Variants in RALYL observed in about 807,000 individuals in gnomAD.
RALYL encodes the protein RALY RNA binding protein like, also known as RNA-binding Raly-like protein.
Under a neutral mutation model 35.1 loss-of-function variants are expected in RALYL, and 29 were observed. The observed-to-expected ratio is 0.83, with a 90% CI of 0.61 to 1.13. The LOEUF is 1.13. RALYL is among the 50% of genes most tolerant of loss of function. RALYL has a pLI of 0.00. For missense variants in RALYL, 359 were observed against 360.4 expected (o/e 1.00, Z 0.03); for synonymous variants, 120 against 127.6 (o/e 0.94, Z 0.40).
In RALYL at chr8:84,744,636, C is replaced by G. The variant is rs975046823; in HGVS notation, c.257-29943C>G. Among the ~76,000 whole-genome samples the G allele has an allele frequency of 2.1e-4, 32 of 151,910 alleles. 1 individual carries two copies. The highest frequency in any genetic ancestry group is 2.0e-3 in the Admixed American group (31 of 15,206). ...TTTGTGGACCACATCTTGAAAATTG[C>G]CTATCTAAACTACTCACAAAAAGAC... On this transcript the variant is annotated intron_variant, in intron 2 of 8. Transcript: ENST00000521268.
At chr8:84,468,787 G>T (rs1395666423) in intron 1 of RALYL, among the ~76,000 whole-genome samples, 1 of 152,042 alleles carries the variant, frequency 6.6e-6, no homozygotes, top group Non-Finnish European at 1.5e-5. Flanking sequence ...ACACCAATCA[G>T]ACGTAGATTT....
At chr8:84,853,191 C>T (rs113915102) in intron 5 of RALYL, among the ~76,000 whole-genome samples, 7,162 of 152,232 alleles carry the variant, frequency 0.047, 541 homozygotes, top group African/African-American at 0.16. Flanking sequence ...CCTCATTCTT[C>T]CTAGCCCTCA....
intron 1 of RALYL, among the ~76,000 whole-genome samples, chr8:84,446,245 T>C (rs1286752165): frequency 1.3e-5 from 2 of 152,040 alleles, no homozygotes; most frequent in Admixed American, 6.6e-5. Context: ...AGCATACATA[T>C]TGAACTACCC....
chr8:84,317,203 A>G (rs974766292), intron 1 of RALYL, among the ~76,000 whole-genome samples: 1 of 150,370 alleles, frequency 6.7e-6, no homozygotes, highest in East Asian at 2.0e-4. Context: ...GAGATACAGC[A>G]AAGAGATTGA....
chr8:84,571,544 A>G (rs1443631582), intron 2 of RALYL, among the ~76,000 whole-genome samples: 1 of 151,580 alleles, frequency 6.6e-6, no homozygotes, highest in African/African-American at 2.4e-5. Flanking sequence ...AATTTTGTTT[A>G]TCCTTTCAAA....
intron 1 of RALYL, among the ~76,000 whole-genome samples, chr8:84,299,132 G>A (rs1840308545): frequency 6.6e-6 from 1 of 151,778 alleles, no homozygotes; most frequent in Admixed American, 6.6e-5. Flanking sequence ...GTATTGTTGT[G>A]ATTCTTAAGA....
intron 8 of RALYL, among the ~76,000 whole-genome samples, chr8:84,898,710 C>G (rs1280395208): frequency 6.6e-6 from 1 of 152,168 alleles, no homozygotes; most frequent in Admixed American, 6.5e-5. Flanking sequence ...ATTAAACAGA[C>G]AGAGGTTGCC....
chr8:84,705,087 T>G (rs1471826648), intron 2 of RALYL, among the ~76,000 whole-genome samples: 1 of 152,204 alleles, frequency 6.6e-6, no homozygotes, highest in Non-Finnish European at 1.5e-5. Flanking sequence ...AAGGTGTCTT[T>G]GAAACCATGT....
At chr8:84,836,641 C>T (rs1437805377) in intron 4 of RALYL, among the ~76,000 whole-genome samples, 1 of 151,968 alleles carries the variant, frequency 6.6e-6, no homozygotes, top group African/African-American at 2.4e-5. Flanking sequence ...TTTTTGTTCA[C>T]AATATTAGAT....
intron 2 of RALYL, among the ~76,000 whole-genome samples, chr8:84,583,394 A>G (rs1476244745): frequency 6.6e-6 from 1 of 152,180 alleles, no homozygotes; most frequent in Admixed American, 6.5e-5. Flanking sequence ...TAACATGTTC[A>G]GGCACAATGC....
chr8:84,450,498 T>C (rs1306975722), intron 1 of RALYL, among the ~76,000 whole-genome samples: 1 of 151,926 alleles, frequency 6.6e-6, no homozygotes, highest in African/African-American at 2.4e-5. Context: ...CTTTGAATGA[T>C]TCAGTTATGC....
intron 2 of RALYL, among the ~76,000 whole-genome samples, chr8:84,671,386 C>A (rs1833200859): frequency 6.6e-6 from 1 of 152,154 alleles, no homozygotes; most frequent in Non-Finnish European, 1.5e-5. Flanking sequence ...TCTTGCAGCT[C>A]CACTAGGCAG....
chr8:84,213,421 T>C (rs890174698), intron 1 of RALYL, among the ~76,000 whole-genome samples: 2 of 152,054 alleles, frequency 1.3e-5, no homozygotes, highest in East Asian at 3.9e-4. Context: ...ATGAATAAAT[T>C]TTTAAAAAGC....
At chr8:84,468,118 T>C (rs1422595156) in intron 1 of RALYL, among the ~76,000 whole-genome samples, 1 of 151,914 alleles carries the variant, frequency 6.6e-6, no homozygotes, top group Non-Finnish European at 1.5e-5. Flanking sequence ...CTGTGTCTTT[T>C]AATTGGAGAA....
intron 1 of RALYL, among the ~76,000 whole-genome samples, chr8:84,409,501 G>C (rs1443707817): frequency 2.0e-5 from 3 of 151,984 alleles, no homozygotes; most frequent in African/African-American, 2.4e-5. Flanking sequence ...TCCAATAATA[G>C]AATTTCAGAG....
chr8:84,828,360 C>T (rs1019850553), intron 4 of RALYL, among the ~76,000 whole-genome samples: 4 of 152,040 alleles, frequency 2.6e-5, no homozygotes, highest in African/African-American at 9.7e-5. Context: ...AAATCATCCC[C>T]TTAATAATAT....
chr8:84,302,901 G>A (rs1841083127), intron 1 of RALYL, among the ~76,000 whole-genome samples: 2 of 152,140 alleles, frequency 1.3e-5, no homozygotes, highest in South Asian at 2.1e-4. Flanking sequence ...AAGATCTTAC[G>A]TTAGACACCC....
intron 2 of RALYL, among the ~76,000 whole-genome samples, chr8:84,711,932 A>G (rs1410097360): frequency 6.6e-6 from 1 of 152,188 alleles, no homozygotes; most frequent in Non-Finnish European, 1.5e-5. Flanking sequence ...AAATTACTTC[A>G]TATCTTAAGT....
intron 1 of RALYL, among the ~76,000 whole-genome samples, chr8:84,287,027 C>T (rs1185546956): frequency 1.3e-5 from 2 of 152,164 alleles, no homozygotes; most frequent in Non-Finnish European, 2.9e-5. Context: ...ACTTTCTTGG[C>T]TACTGTTTTA....
Sources: gnomAD v4.1 joint callset for allele counts (sites outside exome capture counted in the v4.1 genomes callset) on GRCh38, gnomAD v4.1.1 for gene constraint, MANE v1.5 for transcripts, NCBI Gene and HGNC (gene_info 2026-07-23, HGNC 2026-07-21) for gene names.